The following MAP9 variants were observed in gnomAD, a reference collection of about 807,000 sequenced individuals.
MAP9 encodes the protein microtubule-associated protein 9.
MAP9 carries 80 observed loss-of-function variants against 75.2 expected under a neutral mutation model. The ratio of observed to expected loss-of-function variants is 1.06; its 90% CI spans 0.89 to 1.28. The LOEUF (loss-of-function observed/expected upper bound fraction) is 1.28, where lower values mean the gene tolerates loss of function less well. Among genes scored for constraint, MAP9 ranks in the 50% most tolerant of loss-of-function variants. The pLI is 0.00. For missense variants in MAP9, 753 were observed against 719.9 expected, an observed-to-expected ratio of 1.05 and a Z score of -0.53; for synonymous variants, 235 against 237.3, an observed-to-expected ratio of 0.99 and a Z score of 0.09.
rs1375843625 is a variant in MAP9 at position 155,376,886 on chromosome 4, C to T, written c.-180G>A. 3.3e-5 allele frequency: 5 copies of T among 152,780 alleles called. No homozygotes were observed. The highest frequency in any genetic ancestry group is 1.2e-4 in the African/African-American group (5 of 41,444). The allele number at this position is 152,780 out of a possible 1,614,324, so 9.5% of individuals were successfully genotyped here. ...AAACAGCGTCTTCGGGAGGAAGTGA[C>T]TTCCCCACCGCCGGGTCTCTCGGGT... On this transcript the variant is annotated 5_prime_UTR_variant, in exon 1 of 14. Coordinates refer to ENST00000311277, the MANE Select transcript of MAP9 (RefSeq NM_001039580.2).
At chr4:155,348,000 G>T in intron 13 of MAP9, 95 bp from the exon 14 acceptor site, 1 of 772,486 alleles carries the variant, frequency 1.3e-6, no homozygotes, top group Non-Finnish European at 2.0e-6. Flanking sequence ...ATCCATTATA[G>T]GATATTTATA....
chr4:155,347,573 A>ATTAT lies in MAP9; in HGVS notation c.*206_*209dup. 4.5e-6 allele frequency: 2 copies of ATTAT among 440,620 alleles called. No individual in the cohort carries two copies. Among genetic ancestry groups the ATTAT allele is most frequent in the Non-Finnish European group, 8.0e-6 (2 of 249,810 alleles). 27.3% of individuals were successfully genotyped at this position (440,620 alleles called of 1,614,324 possible). A position where few individuals can be genotyped will look rare whatever the true frequency, so the allele number is the denominator to read the frequency against. On this transcript the variant is annotated 3_prime_UTR_variant, in exon 14 of 14. Coordinates refer to ENST00000311277, the MANE Select transcript of MAP9 (RefSeq NM_001039580.2). ...GTATCTTAATGGTAAAAACAATCTG[A>ATTAT]TTATTAGGTCTTTGTTTGAGGCAGT...
chr4:155,357,412 C>T (rs1731842739), intron 8 of MAP9, 37 bp downstream of exon 8: 1 of 1,230,260 alleles, frequency 8.1e-7, no homozygotes, highest in Non-Finnish European at 1.2e-6. Context: ...TGCTAGAATG[C>T]AAGCCCATAA....
rs2111291443 is a variant in MAP9 at position 155,373,466 on chromosome 4, G to T, written c.161-10C>A. On this transcript the variant is annotated splice_polypyrimidine_tract_variant and intron_variant, in intron 3 of 13. Transcript: ENST00000311277. ...AAATCACCTAAAGAAACTGAAAAAT[G>T]GAAAAGAAAAATGTTTTCAACAGTA... The T allele has an allele frequency of 9.8e-6, 14 of 1,430,376 alleles. No individual in the cohort carries two copies. The highest frequency in any genetic ancestry group is 2.8e-5 in the Admixed American group (1 of 35,304). The allele number at this position is 1,430,376 out of a possible 1,614,324, so 88.6% of individuals were successfully genotyped here. A position where few individuals can be genotyped will look rare whatever the true frequency, so the allele number is the denominator to read the frequency against.
intron 4 of MAP9, 51 bp downstream of exon 4, chr4:155,373,085 T>A: frequency 7.7e-7 from 1 of 1,303,608 alleles, no homozygotes; most frequent in South Asian, 1.6e-5. Context: ...GGACTGATTA[T>A]CTTAAAATAA....
intron 5 of MAP9, among the ~76,000 whole-genome samples, chr4:155,366,086 C>T (rs969147958): frequency 3.3e-5 from 5 of 152,068 alleles, no homozygotes; most frequent in East Asian, 3.9e-4. Flanking sequence ...AGAGGCCAGG[C>T]GCCGTGGCTC....
At position 155,343,292 on chromosome 4, in the gene MAP9, G is replaced by C. The variant is rs375736851; in HGVS notation, c.*4491C>G. On this transcript the variant is annotated 3_prime_UTR_variant, in exon 14 of 14. Coordinates refer to ENST00000311277, the MANE Select transcript of MAP9 (RefSeq NM_001039580.2). ...GAGTGGGAGAGAGAAAGAGGAGGGA[G>C]GAACTATCTCTTCCTTTTTTCTCAG... The C allele has an allele frequency of 5.3e-5, 8 of 151,442 alleles. No homozygotes were observed. In the East Asian group the frequency reaches 1.6e-3, roughly 29 times the overall value. The allele number at this position is 151,442 out of a possible 1,614,324, so 9.4% of individuals were successfully genotyped here.
At chr4:155,368,499 A>T in intron 5 of MAP9, 87 bp downstream of exon 5, 2 of 1,125,104 alleles carry the variant, frequency 1.8e-6, no homozygotes, top group Non-Finnish European at 2.7e-6. Flanking sequence ...CACGCACACA[A>T]ATTCATTCTC....
chr4:155,357,440 C>CT lies in MAP9; in HGVS notation c.1121+8dup, dbSNP rs1731844606. On this transcript the variant is annotated intron_variant, in intron 8 of 13. Transcript: ENST00000311277. ...GCCCATAAATGACAAATATTGGTAA[C>CT]TTTATTACCTGGCAGATGCACTGGA... is the stretch of plus-strand genomic sequence containing the variant. The CT allele has an allele frequency of 2.6e-6, 4 of 1,522,650 alleles. No individual in the cohort carries two copies. In the Admixed American group the frequency reaches 5.0e-5, roughly 19 times the overall value. The allele number at this position is 1,522,650 out of a possible 1,614,324, so 94.3% of individuals were successfully genotyped here.
chr4:155,353,880 T>A (rs552767487), intron 10 of MAP9, among the ~76,000 whole-genome samples: 1 of 152,278 alleles, frequency 6.6e-6, no homozygotes, highest in Admixed American at 6.5e-5. Context: ...GACTGAAAAA[T>A]AGGTTGGAGA....
intron 6 of MAP9, chr4:155,361,377 A>C (rs1732072081): frequency 6.6e-6 from 1 of 152,070 alleles, no homozygotes; most frequent in African/African-American, 2.4e-5. Flanking sequence ...AAATGACAAA[A>C]ATGATACTAC....
chr4:155,355,742 C>CA lies in MAP9; in HGVS notation c.1263_1264insT (p.Asp422Ter). 1.2e-6 allele frequency: 2 copies of CA among 1,611,086 alleles called. No homozygotes were observed. Among genetic ancestry groups the CA allele is most frequent in the Non-Finnish European group, 1.7e-6 (2 of 1,179,164 alleles). ...TGATAAACAGCTGCCCTTATGTTAT[C>CA]TGCTCTATCAGGTTCTATGCTCTGT... is the stretch of plus-strand genomic sequence containing the variant. On this transcript the variant is annotated frameshift_variant, in exon 9 of 14. Transcript: ENST00000311277. LOFTEE classifies it high-confidence loss of function.
At position 155,362,144 on chromosome 4, in the gene MAP9, G is replaced by A. The variant is rs757597393; in HGVS notation, c.709-3C>T. On this transcript the variant is annotated splice_polypyrimidine_tract_variant and splice_region_variant and intron_variant, in intron 5 of 13. Coordinates refer to ENST00000311277, the MANE Select transcript of MAP9 (RefSeq NM_001039580.2). ...GCTAGACTTGTTAAGCATGAATCCT[G>A]TTTTCGCAAAAAAAAATACATTTGC... 6 of 1,529,736 alleles carry A rather than the reference G, an allele frequency of 3.9e-6. No individual in the cohort carries two copies. The highest frequency in any genetic ancestry group is 5.3e-6 in the Non-Finnish European group (6 of 1,133,358). The allele number at this position is 1,529,736 out of a possible 1,614,324, so 94.8% of individuals were successfully genotyped here. A position where few individuals can be genotyped will look rare whatever the true frequency, so the allele number is the denominator to read the frequency against.
intron 13 of MAP9, chr4:155,349,951 C>A: frequency 4.8e-6 from 1 of 207,682 alleles, no homozygotes; most frequent in Non-Finnish European, 9.7e-6. Flanking sequence ...CAATAGTCAC[C>A]TTGATAGTAA....
chr4:155,367,938 T>A (rs1342435972), intron 5 of MAP9, among the ~76,000 whole-genome samples: 1 of 152,252 alleles, frequency 6.6e-6, no homozygotes, highest in Non-Finnish European at 1.5e-5. Context: ...GGAAGAAATG[T>A]TCTTCCTGTA....
intron 7 of MAP9, 111 bp from the exon 8 acceptor site, chr4:155,357,630 AAC>A: frequency 1.5e-6 from 1 of 661,726 alleles, no homozygotes; most frequent in African/African-American, 1.8e-5. Context: ...CTATGTGTCA[AAC>A]ACAGTAGAAA....
At chr4:155,373,555 A>T in intron 3 of MAP9, 99 bp from the exon 4 acceptor site, 2 of 756,240 alleles carry the variant, frequency 2.6e-6, no homozygotes, top group Non-Finnish European at 4.0e-6. Flanking sequence ...TACAAACAAA[A>T]TTCTAACAAT....
chr4:155,373,096 A>G, intron 4 of MAP9, 40 bp downstream of exon 4: 2 of 1,357,076 alleles, frequency 1.5e-6, no homozygotes, highest in South Asian at 3.1e-5. Flanking sequence ...CTTAAAATAA[A>G]CTTCCAAGAA....
chr4:155,375,930 C>A lies in MAP9; in HGVS notation c.-64-16G>T. 2.2e-6 allele frequency: 2 copies of A among 911,978 alleles called. No homozygotes were observed. Among genetic ancestry groups the A allele is most frequent in the Non-Finnish European group, 3.5e-6 (2 of 569,678 alleles). The allele number at this position is 911,978 out of a possible 1,614,324, so 56.5% of individuals were successfully genotyped here. On this transcript the variant is annotated splice_polypyrimidine_tract_variant and intron_variant, in intron 1 of 13. Coordinates refer to ENST00000311277, the MANE Select transcript of MAP9 (RefSeq NM_001039580.2). ...CTGATAGTAGCTGAAATATACAAAA[C>A]AAATCAGACTTCGCATGCTTCAGAA... is the stretch of plus-strand genomic sequence containing the variant.
Sources: gnomAD v4.1 joint callset for allele counts (sites outside exome capture counted in the v4.1 genomes callset) on GRCh38, gnomAD v4.1.1 for gene constraint, MANE v1.5 for transcripts, NCBI Gene and HGNC (gene_info 2026-07-23, HGNC 2026-07-21) for gene names.